L3MBTL3: variants seen among roughly 807,000 people sequenced by gnomAD.
L3MBTL3 encodes the protein lethal(3)malignant brain tumor-like protein 3.
L3MBTL3 carries 27 observed loss-of-function variants against 102.3 expected under a neutral mutation model. That is an observed-to-expected ratio of 0.26 (90% CI 0.19 to 0.36). The LOEUF (loss-of-function observed/expected upper bound fraction) is 0.36, where lower values mean the gene tolerates loss of function less well. Among genes scored for constraint, L3MBTL3 ranks in the 10% least tolerant of loss-of-function variants. L3MBTL3 has a pLI of 1.00. For missense variants in L3MBTL3, 798 were observed against 955.3 expected (o/e 0.84, Z 2.17); for synonymous variants, 340 against 320.9 (o/e 1.06, Z -0.64).
intron 19 of L3MBTL3, among the ~76,000 whole-genome samples, chr6:130,111,282 G>T (rs892815082): frequency 6.6e-6 from 1 of 152,288 alleles, no homozygotes; most frequent in African/African-American, 2.4e-5. Flanking sequence ...CTTGTAAATT[G>T]CATATCTCAG....
At chr6:130,084,272 AAT>A (rs1446002785) in intron 15 of L3MBTL3, among the ~76,000 whole-genome samples, 1 of 152,146 alleles carries the variant, frequency 6.6e-6, no homozygotes, top group Non-Finnish European at 1.5e-5. Context: ...TAAGAAGTGA[AAT>A]ATATTTCTCA....
At chr6:130,126,515 G>A (rs1165296059) in intron 20 of L3MBTL3, among the ~76,000 whole-genome samples, 1 of 152,078 alleles carries the variant, frequency 6.6e-6, no homozygotes, top group African/African-American at 2.4e-5. Context: ...AAGATTTATT[G>A]TCTTGTTTCT....
Position 130,042,693 on chromosome 6 carries a change from A to G in L3MBTL3, c.-7A>G. The stretch of plus-strand genomic sequence containing the variant: ...TTCTTTTCCCCTTTCAGGTTAAAAA[A>G]TAAATCATGACTGAATCTGCCTCTA... On this transcript the variant is annotated 5_prime_UTR_variant, in exon 3 of 23. Coordinates refer to ENST00000361794, the MANE Select transcript of L3MBTL3 (RefSeq NM_032438.4). 1 of 1,602,124 alleles carries G rather than the reference A, an allele frequency of 6.2e-7. No homozygotes were observed. The highest frequency in any genetic ancestry group is 1.1e-5 in the South Asian group (1 of 90,722).
chr6:130,066,468 A>G lies in L3MBTL3; in HGVS notation c.980A>G (p.His327Arg). 3.1e-6 allele frequency: 5 copies of G among 1,610,698 alleles called. No individual in the cohort carries two copies. The highest frequency in any genetic ancestry group is 4.2e-6 in the Non-Finnish European group (5 of 1,178,780). ...HPVGWCEKTG[H>R]KLHPPKGYKE... Reference sequence around the variant, plus strand: ...GTTGGGTGGTGTGAGAAAACCGGCCACAAACTCCATCCTCCAAAAGGTTTT... The same window carrying G: ...GTTGGGTGGTGTGAGAAAACCGGCCGCAAACTCCATCCTCCAAAAGGTTTT... The change falls in exon 11 of 23, where the codon CAC (histidine) becomes CGC (arginine). Residue 327 changes from histidine (H) to arginine (R), a missense_variant. By Grantham distance (29) the His-to-Arg change is conservative (BLOSUM62 0). This residue lies in a region of L3MBTL3 where 434 missense variants were observed against 506.6 expected (regional missense o/e 0.86). Transcript: ENST00000361794.
chr6:130,133,143 C>A lies in L3MBTL3; in HGVS notation c.1967-309C>A, dbSNP rs1365995065. 6.6e-6 allele frequency among the ~76,000 whole-genome samples: 1 copy of A among 152,194 alleles called. No individual in the cohort carries two copies. Among genetic ancestry groups the A allele is most frequent in the African/African-American group, 2.4e-5 (1 of 41,458 alleles). ...AAACAACTTCCTAGAATAAGACTAA[C>A]TTTCCTTCCCATTAAAACTTTGAGG... is the stretch of plus-strand genomic sequence containing the variant. On this transcript the variant is annotated intron_variant, in intron 20 of 22. Coordinates refer to ENST00000361794, the MANE Select transcript of L3MBTL3 (RefSeq NM_032438.4). This position sits in a 1 kb window ranked among gnomAD's most constrained non-coding sequence, Gnocchi z 4.9.
chr6:130,084,003 T>G (rs1783522809), intron 15 of L3MBTL3, among the ~76,000 whole-genome samples: 1 of 152,132 alleles, frequency 6.6e-6, no homozygotes, highest in South Asian at 2.1e-4. Flanking sequence ...CTTCTGTCTT[T>G]TTAGCTAGAT....
At chr6:130,073,699 G>A (rs1439263164) in intron 13 of L3MBTL3, among the ~76,000 whole-genome samples, 1 of 151,980 alleles carries the variant, frequency 6.6e-6, no homozygotes, top group Non-Finnish European at 1.5e-5. Flanking sequence ...TTCATTTTTC[G>A]ATGCCAAATG....
At chr6:130,071,486 T>C (rs1478996113) in intron 13 of L3MBTL3, among the ~76,000 whole-genome samples, 1 of 152,140 alleles carries the variant, frequency 6.6e-6, no homozygotes, top group Non-Finnish European at 1.5e-5. Context: ...AGAATATTAT[T>C]TTTAATCCTT....
At position 130,139,945 on chromosome 6, in the gene L3MBTL3, C is replaced by G. The variant is rs1394251705; in HGVS notation, c.*192C>G. On this transcript the variant is annotated 3_prime_UTR_variant, in exon 23 of 23. Coordinates refer to ENST00000361794, the MANE Select transcript of L3MBTL3 (RefSeq NM_032438.4). Reference sequence around the variant, plus strand: ...AAGTGCTTGAGCTTTTAACCAGGTACTGTCTAACAACAGTCATCTTTTGGT... The same window carrying G: ...AAGTGCTTGAGCTTTTAACCAGGTAGTGTCTAACAACAGTCATCTTTTGGT... 4 of 509,132 alleles carry G rather than the reference C, an allele frequency of 7.9e-6. No individual in the cohort carries two copies. Among genetic ancestry groups the G allele is most frequent in the Non-Finnish European group, 1.4e-5 (4 of 294,938 alleles). 31.5% of individuals were successfully genotyped at this position (509,132 alleles called of 1,614,324 possible). A position where few individuals can be genotyped will look rare whatever the true frequency, so the allele number is the denominator to read the frequency against.
intron 14 of L3MBTL3, among the ~76,000 whole-genome samples, chr6:130,080,346 T>G (rs756528329): frequency 2.6e-5 from 4 of 152,200 alleles, no homozygotes; most frequent in South Asian, 2.1e-4. Context: ...TATTCTACCT[T>G]CCTTTGTCTG....
rs746840211 is a variant in L3MBTL3, at chr6:130,133,892, T to C, written c.2186T>C (p.Val729Ala). Residue 729 changes from valine (V) to alanine (A), a missense_variant, in exon 22 of 23, where the codon GTA becomes GCA. Val to Ala is a moderately conservative substitution (Grantham distance 64, BLOSUM62 0). Transcript: ENST00000361794. This position sits in a 1 kb window ranked among gnomAD's most constrained non-coding sequence, Gnocchi z 4.9. ...CCTGGGTGTGAAGAACATGGAAAGG[T>C]ATTTAAAGATGAAGTAAGTATTCCA... ...SLPGCEEHGK[V>A]FKDEQIDGEA... 2 of 1,612,192 alleles carry C rather than the reference T, an allele frequency of 1.2e-6. No individual in the cohort carries two copies. Among genetic ancestry groups the C allele is most frequent in the Non-Finnish European group, 1.7e-6 (2 of 1,178,364 alleles).
In L3MBTL3 at chr6:130,065,301, A is replaced by T. The variant is rs980184607; in HGVS notation, c.865-1052A>T. Reference sequence around the variant, plus strand: ...ACTATGTGTTTACATATGTATGCATATGTGTGTATATTAATGTATGTATAT... The same window carrying T: ...ACTATGTGTTTACATATGTATGCATTTGTGTGTATATTAATGTATGTATAT... On this transcript the variant is annotated intron_variant, in intron 10 of 22. Coordinates refer to ENST00000361794, the MANE Select transcript of L3MBTL3 (RefSeq NM_032438.4). 3.9e-5 allele frequency among the ~76,000 whole-genome samples: 6 copies of T among 152,188 alleles called. No individual in the cohort carries two copies. In the South Asian group the frequency reaches 1.2e-3, roughly 32 times the overall value.
intron 19 of L3MBTL3, among the ~76,000 whole-genome samples, chr6:130,108,239 T>TG (rs1459014830): frequency 9.4e-5 from 13 of 138,636 alleles, no homozygotes; most frequent in Non-Finnish European, 2.1e-4. Context: ...TTGTTTTTTT[T>TG]TTTTTTTTTT....
intron 11 of L3MBTL3, among the ~76,000 whole-genome samples, chr6:130,067,325 G>A (rs1177194925): frequency 1.3e-5 from 2 of 152,108 alleles, no homozygotes; most frequent in South Asian, 4.1e-4. Flanking sequence ...TGTTGGCCAG[G>A]CTGGTCTCAA....
intron 14 of L3MBTL3, among the ~76,000 whole-genome samples, chr6:130,081,783 C>T (rs887161560): frequency 2.6e-5 from 4 of 152,056 alleles, no homozygotes; most frequent in Admixed American, 1.3e-4. Context: ...AGAAAGGTTG[C>T]AAGAACAGTG....
rs567516413 is a variant in L3MBTL3 at position 130,132,189 on chromosome 6, G to A, written c.1967-1263G>A. Among the ~76,000 whole-genome samples the A allele has an allele frequency of 5.9e-5, 9 of 152,208 alleles. No individual in the cohort carries two copies. The South Asian group carries it at 1.5e-3, about 25-fold the overall frequency. On this transcript the variant is annotated intron_variant, in intron 20 of 22. Transcript: ENST00000361794. The stretch of plus-strand genomic sequence containing the variant: ...ACAAAAACCATACAAGAAAGAGAAG[G>A]TAACTTCTACTACTCACAACAATGT...
At chr6:130,030,665 T>TAAAAAAAAAAAA (rs548921467) in intron 2 of L3MBTL3, among the ~76,000 whole-genome samples, 3 of 48,532 alleles carry the variant, frequency 6.2e-5, no homozygotes, top group African/African-American at 2.8e-4. Context: ...AGACTCTACC[T>TAAAAAAAAAAAA]AAAAAAAAAA....
chr6:130,111,518 C>G (rs1785345866), intron 19 of L3MBTL3, among the ~76,000 whole-genome samples: 1 of 152,180 alleles, frequency 6.6e-6, no homozygotes, highest in Non-Finnish European at 1.5e-5. Flanking sequence ...CAACCCAATG[C>G]CTATTCCAGA....
chr6:130,092,765 C>T lies in L3MBTL3; in HGVS notation c.1539C>T (p.Asn513=). ...HRVKVHFDGW[N]NCYDYWIDAD... is the part of the protein sequence containing the mutation. Reference sequence around the variant, plus strand: ...TCCAGGTTCACTTTGATGGCTGGAACAATTGCTATGATTACTGGATAGATG... The same window carrying T: ...TCCAGGTTCACTTTGATGGCTGGAATAATTGCTATGATTACTGGATAGATG... Residue 513 remains asparagine, a synonymous_variant, in exon 17 of 23, where the codon AAC becomes AAT. Transcript: ENST00000361794. 1 of 1,612,060 alleles carries T rather than the reference C, an allele frequency of 6.2e-7. No individual in the cohort carries two copies. The highest frequency in any genetic ancestry group is 1.3e-5 in the African/African-American group (1 of 74,972).
Sources: allele counts gnomAD v4.1 joint callset (sites outside exome capture counted in the v4.1 genomes callset), GRCh38; gene constraint gnomAD v4.1.1; regional missense constraint gnomAD v4.1.1; non-coding constraint Gnocchi (gnomAD v3.1); transcripts MANE v1.5; gene names NCBI Gene and HGNC (gene_info 2026-07-23, HGNC 2026-07-21).